Variants in ZYG11B observed in about 807,000 individuals in gnomAD.
The protein encoded by ZYG11B is protein zyg-11 homolog B.
ZYG11B carries 36 observed loss-of-function variants against 82.4 expected under a neutral mutation model. That is an observed-to-expected ratio of 0.44 (90% CI 0.33 to 0.58). The LOEUF is 0.58. Ranked by LOEUF, ZYG11B falls within the 20% of genes least tolerant of loss-of-function variation. The pLI, the probability that ZYG11B is intolerant of heterozygous loss-of-function variation, is 0.02. For synonymous variants in ZYG11B, 303 were observed against 312.8 expected (o/e 0.97, Z 0.33); for missense variants, 552 against 895.6 (o/e 0.62, Z 4.90).
At chr1:52,739,410 A>G (rs773554216) in intron 1 of ZYG11B, among the ~76,000 whole-genome samples, 1 of 152,192 alleles carries the variant, frequency 6.6e-6, no homozygotes, top group Non-Finnish European at 1.5e-5. Context: ...AAGAAAAGGT[A>G]GTAAGATTCT....
intron 8 of ZYG11B, among the ~76,000 whole-genome samples, chr1:52,798,190 G>A (rs76699348): frequency 0.017 from 2,662 of 152,134 alleles, 88 homozygotes; most frequent in African/African-American, 0.06. Context: ...TTTCATATAT[G>A]CAGCTTTACT....
chr1:52,769,175 GTAATTGT>G (rs1237066831), intron 2 of ZYG11B, among the ~76,000 whole-genome samples: 1 of 151,976 alleles, frequency 6.6e-6, no homozygotes, highest in Non-Finnish European at 1.5e-5. Context: ...TTGACATATA[GTAATTGT>G]TTAATAAACT....
At chr1:52,814,009 C>G in intron 12 of ZYG11B, 97 bp downstream of exon 12, 1 of 1,109,624 alleles carries the variant, frequency 9.0e-7, no homozygotes, top group Admixed American at 2.2e-5. Context: ...CCCTCAGGCA[C>G]CTCAATATTG....
intron 3 of ZYG11B, among the ~76,000 whole-genome samples, chr1:52,773,022 C>T (rs1429467459): frequency 6.6e-6 from 1 of 152,010 alleles, no homozygotes; most frequent in Non-Finnish European, 1.5e-5. Context: ...CTAAGGACAC[C>T]CCTTGTTGAA....
At chr1:52,765,748 TTG>T (rs1225074452) in intron 2 of ZYG11B, among the ~76,000 whole-genome samples, 2 of 152,146 alleles carry the variant, frequency 1.3e-5, no homozygotes, top group East Asian at 3.9e-4. Context: ...GGTAATCCTC[TTG>T]TCTCATCCTC....
rs1440168937 is a variant in ZYG11B, at chr1:52,823,513, TAA to T, written c.*1887_*1888del. On this transcript the variant is annotated 3_prime_UTR_variant, in exon 14 of 14. Coordinates refer to ENST00000294353, the MANE Select transcript of ZYG11B (RefSeq NM_024646.3). The stretch of plus-strand genomic sequence containing the variant: ...TTTCAGACAAAATAGAGAATTCTTT[TAA>T]AAGTTTTTTTTTTTTTTTTCCTTTT... 1 of 150,884 alleles carries T rather than the reference TAA, an allele frequency of 6.6e-6. No homozygotes were observed. The highest frequency in any genetic ancestry group is 2.5e-5 in the African/African-American group (1 of 40,560). 9.3% of individuals were successfully genotyped at this position (150,884 alleles called of 1,614,324 possible). A position where few individuals can be genotyped will look rare whatever the true frequency, so the allele number is the denominator to read the frequency against.
chr1:52,726,629 C>A lies in ZYG11B; in HGVS notation c.-25C>A. On this transcript the variant is annotated 5_prime_UTR_variant, in exon 1 of 14. Transcript: ENST00000294353. ...TGGGGGCGGGCTCCGGTCCGGCCCG[C>A]CGCCGCACCCAGGACGGAGGCTGCA... 1 of 1,445,530 alleles carries A rather than the reference C, an allele frequency of 6.9e-7. No individual in the cohort carries two copies. Among genetic ancestry groups the A allele is most frequent in the Non-Finnish European group, 9.1e-7 (1 of 1,104,558 alleles). 89.5% of individuals were successfully genotyped at this position (1,445,530 alleles called of 1,614,324 possible).
At chr1:52,798,809 G>C (rs1645050162) in intron 8 of ZYG11B, among the ~76,000 whole-genome samples, 1 of 152,060 alleles carries the variant, frequency 6.6e-6, no homozygotes, top group Non-Finnish European at 1.5e-5. Context: ...AAAGGGAGTA[G>C]ATATAAACAA....
chr1:52,732,170 G>T (rs762604511), intron 1 of ZYG11B, among the ~76,000 whole-genome samples: 12 of 152,166 alleles, frequency 7.9e-5, no homozygotes, highest in Non-Finnish European at 1.6e-4. Context: ...ATCAGTAAAT[G>T]TGTTCTTGAA....
chr1:52,797,287 A>G (rs1247547329), intron 8 of ZYG11B, among the ~76,000 whole-genome samples: 2 of 85,392 alleles, frequency 2.3e-5, no homozygotes, highest in Non-Finnish European at 3.9e-5. Flanking sequence ...TATTTATATT[A>G]TATATAAAAT....
chr1:52,799,256 GGCGGGTGGATCA>G, intron 8 of ZYG11B, among the ~76,000 whole-genome samples: 1 of 152,200 alleles, frequency 6.6e-6, no homozygotes, highest in East Asian at 1.9e-4. Context: ...GGGAGGCCGA[GGCGGGTGGATCA>G]CAAGGTCAGG....
At position 52,784,966 on chromosome 1, in the gene ZYG11B, T is replaced by A; in HGVS notation, c.1182T>A (p.Asp394Glu). Residue 394 changes from aspartate (D) to glutamate (E), a missense_variant, in exon 5 of 14, where the codon GAT becomes GAA. By Grantham distance (45) the Asp-to-Glu change is conservative. Coordinates refer to ENST00000294353, the MANE Select transcript of ZYG11B (RefSeq NM_024646.3). ...SACVFNLTKQDLAAGMPVRLL... is the reference protein window; with the variant it reads ...SACVFNLTKQELAAGMPVRLL... ...GTGTATTTAACTTAACCAAGCAGGA[T>A]CTTGCTGCAGGGATGCCTGTCCGAC... is the stretch of plus-strand genomic sequence containing the variant. 6.2e-7 allele frequency: 1 copy of A among 1,614,190 alleles called. No homozygotes were observed. Among genetic ancestry groups the A allele is most frequent in the Non-Finnish European group, 8.5e-7 (1 of 1,180,022 alleles).
chr1:52,823,679 A>G lies in ZYG11B; in HGVS notation c.*2050A>G, dbSNP rs1048592794. The G allele has an allele frequency of 1.3e-5, 2 of 152,224 alleles. No individual in the cohort carries two copies. The highest frequency in any genetic ancestry group is 4.8e-5 in the African/African-American group (2 of 41,456). The allele number at this position is 152,224 out of a possible 1,614,324, so 9.4% of individuals were successfully genotyped here. A position where few individuals can be genotyped will look rare whatever the true frequency, so the allele number is the denominator to read the frequency against. Reference sequence around the variant, plus strand: ...AGCCTATTTAAGAAGTTTGGCTTCAAGTTTCTGTTTTATAAGACAAAAGTG... The same window carrying G: ...AGCCTATTTAAGAAGTTTGGCTTCAGGTTTCTGTTTTATAAGACAAAAGTG... On this transcript the variant is annotated 3_prime_UTR_variant, in exon 14 of 14. Coordinates refer to ENST00000294353, the MANE Select transcript of ZYG11B (RefSeq NM_024646.3).
At chr1:52,777,122 A>G (rs1571771136) in intron 3 of ZYG11B, among the ~76,000 whole-genome samples, 1 of 152,234 alleles carries the variant, frequency 6.6e-6, no homozygotes, top group Admixed American at 6.5e-5. Context: ...AGGCATGACA[A>G]TTGCTTGAAC....
intron 1 of ZYG11B, among the ~76,000 whole-genome samples, chr1:52,751,503 G>A (rs934086407): frequency 1.3e-5 from 2 of 151,982 alleles, no homozygotes; most frequent in East Asian, 1.9e-4. Flanking sequence ...GGTGGCATGT[G>A]CCTGTAGTCC....
At chr1:52,793,884 C>CTTCCTTCCTTCCTTCCTTCCTTCCTTCT in intron 6 of ZYG11B, among the ~76,000 whole-genome samples, 1 of 137,974 alleles carries the variant, frequency 7.2e-6, no homozygotes, top group East Asian at 2.3e-4. Context: ...TCCTTCCTTC[C>CTTCCTTCCTTCCTTCCTTCCTTCCTTCT]TTCCTTCCTT....
chr1:52,733,922 A>G (rs1855127), intron 1 of ZYG11B, among the ~76,000 whole-genome samples: 76,685 of 152,056 alleles, frequency 0.5, 19,532 homozygotes, highest in East Asian at 0.62. Flanking sequence ...AAACTATTCT[A>G]TTTTTATAAA....
chr1:52,814,745 G>T (rs887204898), intron 12 of ZYG11B, among the ~76,000 whole-genome samples: 8 of 152,264 alleles, frequency 5.3e-5, no homozygotes, highest in African/African-American at 1.7e-4. Flanking sequence ...TTCAGAGGAA[G>T]TGAGTTGTGA....
chr1:52,816,777 A>C, intron 13 of ZYG11B, 148 bp downstream of exon 13: 1 of 364,074 alleles, frequency 2.7e-6, no homozygotes, highest in Non-Finnish European at 4.9e-6. Flanking sequence ...AACTTAAGGT[A>C]TTCTTTTTTT....
Sources: gnomAD v4.1 joint callset for allele counts (sites outside exome capture counted in the v4.1 genomes callset) on GRCh38, gnomAD v4.1.1 for gene constraint, MANE v1.5 for transcripts, NCBI Gene and HGNC (gene_info 2026-07-23, HGNC 2026-07-21) for gene names.